Variants in FIGN observed in about 807,000 individuals in gnomAD.
The protein encoded by FIGN is fidgetin.
A neutral mutation model predicts 51.3 loss-of-function variants in FIGN; 11 were observed. The observed-to-expected ratio is 0.21, with a 90% confidence interval of 0.13 to 0.35. The LOEUF (loss-of-function observed/expected upper bound fraction) is 0.35. FIGN is among the 10% of genes least tolerant of loss of function. The pLI is 1.00. For missense variants in FIGN, 857 were observed against 943.6 expected (o/e 0.91, Z 1.20); for synonymous variants, 407 against 363.2 (o/e 1.12, Z -1.37).
rs200358782 is a variant in FIGN, at chr2:163,610,301, C to T, written c.1531G>A (p.Ala511Thr). ...GGTAAGGCCGTCAGTCCACTGAACGCGTCTGACCTCAACACTGGCCATAAA... is the reference window on the plus strand; with the variant it reads ...GGTAAGGCCGTCAGTCCACTGAACGTGTCTGACCTCAACACTGGCCATAAA... ...EVLWPVLRSD[A>T]FSGLTALPRS... Residue 511 changes from alanine to threonine, a missense_variant, in exon 3 of 3, where the codon GCG becomes ACG. Around this residue, in one of 3 missense-constraint regions of FIGN, gnomAD observed 799 missense variants for 849.5 expected, o/e 0.94. Transcript: ENST00000333129. 33 of 1,614,014 alleles carry T rather than the reference C, an allele frequency of 2.0e-5. No individual in the cohort carries two copies. In the East Asian group the frequency reaches 3.6e-4, roughly 17 times the overall value.
At chr2:163,648,992 A>G (rs1428826374) in intron 2 of FIGN, among the ~76,000 whole-genome samples, 1 of 152,168 alleles carries the variant, frequency 6.6e-6, no homozygotes, top group African/African-American at 2.4e-5. Context: ...TCCTATATAA[A>G]AACATACTGT....
chr2:163,611,077 T>C lies in FIGN; in HGVS notation c.755A>G (p.Tyr252Cys), dbSNP rs761480208. The change falls in exon 3 of 3, where the codon TAT becomes TGT. Residue 252 changes from tyrosine to cysteine, a missense_variant. Physicochemically the swap from Tyr to Cys is radical, Grantham distance 194. Transcript: ENST00000333129. Reference sequence around the variant, plus strand: ...AGACCCCACAGCAGTCTGAGGAGGATAGCTAGCAGACGGATAGCTGTAACT... The same window carrying C: ...AGACCCCACAGCAGTCTGAGGAGGACAGCTAGCAGACGGATAGCTGTAACT... ...LSSYSYPSASYPPQTAVGSGY... is the reference protein window; with the variant it reads ...LSSYSYPSASCPPQTAVGSGY... The C allele has an allele frequency of 6.2e-7, 1 of 1,613,986 alleles. No individual in the cohort carries two copies. The highest frequency in any genetic ancestry group is 1.7e-5 in the Admixed American group (1 of 60,016).
At chr2:163,692,485 C>G (rs891316341) in intron 2 of FIGN, among the ~76,000 whole-genome samples, 17 of 152,116 alleles carry the variant, frequency 1.1e-4, no homozygotes, top group African/African-American at 4.1e-4. Flanking sequence ...AATAATGTTT[C>G]TTCAATTAAA....
At chr2:163,628,276 G>C (rs572631975) in intron 2 of FIGN, among the ~76,000 whole-genome samples, 48 of 152,226 alleles carry the variant, frequency 3.2e-4, no homozygotes, top group African/African-American at 1.1e-3. Flanking sequence ...AATAGTTGAG[G>C]TAGATCTTGG....
At chr2:163,613,675 G>GGGCT (rs1368450218) in intron 2 of FIGN, among the ~76,000 whole-genome samples, 23 of 152,320 alleles carry the variant, frequency 1.5e-4, no homozygotes, top group East Asian at 9.7e-4. Flanking sequence ...AATCATGCCA[G>GGGCT]GGCTGGCACT....
At chr2:163,720,924 A>G (rs1313934232) in intron 2 of FIGN, among the ~76,000 whole-genome samples, 1 of 152,210 alleles carries the variant, frequency 6.6e-6, no homozygotes, top group Non-Finnish European at 1.5e-5. Flanking sequence ...GTCTAGATCT[A>G]GCCAAAAATT....
rs1370948966 is a variant in FIGN, at chr2:163,660,804, CAT to C, written c.26-49000_26-48999del. On this transcript the variant is annotated intron_variant, in intron 2 of 2. Transcript: ENST00000333129. ...ATACATATATATGTATATAGATATA[CAT>C]ATATATACATATACATATATATGTA... 1.7e-4 allele frequency among the ~76,000 whole-genome samples: 12 copies of C among 69,120 alleles called. 4 individuals carry two copies. The highest frequency in any genetic ancestry group is 2.1e-4 in the Non-Finnish European group (8 of 38,116). 45.3% of individuals were successfully genotyped at this position (69,120 alleles called of 152,430 possible).
Position 163,606,595 on chromosome 2 carries a change from A to C in FIGN, c.*2957T>G, listed in dbSNP as rs1392207303. 1 of 152,286 alleles carries C rather than the reference A, an allele frequency of 6.6e-6. No homozygotes were observed. Among genetic ancestry groups the C allele is most frequent in the Non-Finnish European group, 1.5e-5 (1 of 68,120 alleles). 9.4% of individuals were successfully genotyped at this position (152,286 alleles called of 1,614,324 possible). Reference sequence around the variant, plus strand: ...CGACTGTACACATTCACTTCTGAGGATGTGGTACCCCACCCCCACTCCAAG... The same window carrying C: ...CGACTGTACACATTCACTTCTGAGGCTGTGGTACCCCACCCCCACTCCAAG... On this transcript the variant is annotated 3_prime_UTR_variant, in exon 3 of 3. Coordinates refer to ENST00000333129, the MANE Select transcript of FIGN (RefSeq NM_018086.4).
In FIGN at chr2:163,668,023, C is replaced by CCCG. The variant is rs1553498975; in HGVS notation, c.26-56218_26-56217insCGG. 4.0e-5 allele frequency among the ~76,000 whole-genome samples: 6 copies of CCCG among 149,570 alleles called. 1 individual carries two copies. In the East Asian group the frequency reaches 8.1e-4, roughly 20 times the overall value. ...AACACCCCTACCTCCAACCCCCCCCCCCAAAAAACCCTCCACAAGTAACAA... is the reference window on the plus strand; with the variant it reads ...AACACCCCTACCTCCAACCCCCCCCCCCGCCAAAAAACCCTCCACAAGTAACAA... On this transcript the variant is annotated intron_variant, in intron 2 of 2. Transcript: ENST00000333129.
At chr2:163,656,494 C>A (rs917535728) in intron 2 of FIGN, among the ~76,000 whole-genome samples, 6 of 152,002 alleles carry the variant, frequency 3.9e-5, no homozygotes, top group Middle Eastern at 3.2e-3. Context: ...TTGAGCTGAC[C>A]AAGGCAGGCC....
In FIGN at chr2:163,611,125, T is replaced by C. The variant is rs1199452359; in HGVS notation, c.707A>G (p.Tyr236Cys). The change falls in exon 3 of 3, where the codon TAC becomes TGC. Residue 236 changes from tyrosine (Y) to cysteine (C), a missense_variant. Physicochemically the swap from Tyr to Cys is radical, Grantham distance 194 (BLOSUM62 -2). Around this residue, in one of 3 missense-constraint regions of FIGN, gnomAD observed 799 missense variants for 849.5 expected, o/e 0.94. Transcript: ENST00000333129. ...ACTGGAGAGGTTAGAAGTCCCATTG[T>C]AGCCTGGGACCAAGGCTGGTGGCGG... is the stretch of plus-strand genomic sequence containing the variant. ...PPPPPALVPG[Y>C]NGTSNLSSYS... 4.3e-6 allele frequency: 7 copies of C among 1,614,008 alleles called. No individual in the cohort carries two copies. Among genetic ancestry groups the C allele is most frequent in the Admixed American group, 1.7e-5 (1 of 60,000 alleles).
At chr2:163,688,087 C>A (rs1357095074) in intron 2 of FIGN, among the ~76,000 whole-genome samples, 1 of 152,182 alleles carries the variant, frequency 6.6e-6, no homozygotes, top group Non-Finnish European at 1.5e-5. Context: ...CCAAAGCACA[C>A]AATTCACCTC....
intron 2 of FIGN, among the ~76,000 whole-genome samples, chr2:163,685,991 A>C (rs983060951): frequency 2.6e-5 from 4 of 152,230 alleles, no homozygotes; most frequent in Non-Finnish European, 4.4e-5. Context: ...AAGGCACAAA[A>C]CTATTTGGGA....
chr2:163,717,628 AG>A (rs1684690286), intron 2 of FIGN, among the ~76,000 whole-genome samples: 1 of 152,112 alleles, frequency 6.6e-6, no homozygotes, highest in Non-Finnish European at 1.5e-5. Flanking sequence ...GTGATATCAT[AG>A]TTGTGTTCAA....
At position 163,660,875 on chromosome 2, in the gene FIGN, ATATATT is replaced by A. The variant is rs1197258114; in HGVS notation, c.26-49075_26-49070del. Among the ~76,000 whole-genome samples, 6 of 26,398 alleles carry A rather than the reference ATATATT, an allele frequency of 2.3e-4. 3 individuals are homozygous for A. The highest frequency in any genetic ancestry group is 9.5e-4 in the African/African-American group (6 of 6,322). 17.3% of individuals were successfully genotyped at this position (26,398 alleles called of 152,430 possible). On this transcript the variant is annotated intron_variant, in intron 2 of 2. Coordinates refer to ENST00000333129, the MANE Select transcript of FIGN (RefSeq NM_018086.4). ...TATGTATACATATATATATATATAT[ATATATT>A]TTTTTTTTTTTTTTTTTTTTTTTTG...
At chr2:163,733,705 T>C (rs1684966752) in intron 2 of FIGN, among the ~76,000 whole-genome samples, 1 of 152,204 alleles carries the variant, frequency 6.6e-6, no homozygotes, top group Non-Finnish European at 1.5e-5. Flanking sequence ...CGTGTAAGTG[T>C]GGTGTGTATT....
intron 2 of FIGN, among the ~76,000 whole-genome samples, chr2:163,612,803 GAA>G (rs1170168425): frequency 4.7e-5 from 7 of 150,442 alleles, no homozygotes; most frequent in African/African-American, 1.7e-4. Flanking sequence ...GAGAGAGAGA[GAA>G]AGGAAACTGA....
At chr2:163,685,093 C>T (rs1289165457) in intron 2 of FIGN, among the ~76,000 whole-genome samples, 1 of 151,992 alleles carries the variant, frequency 6.6e-6, no homozygotes, top group Non-Finnish European at 1.5e-5. Context: ...TGAACTGTAA[C>T]TTTCTTTAAG....
chr2:163,690,847 G>A (rs1205549921), intron 2 of FIGN, among the ~76,000 whole-genome samples: 2 of 152,064 alleles, frequency 1.3e-5, no homozygotes, highest in East Asian at 3.9e-4. Context: ...ATTTGTGTGT[G>A]TGTGTTGGGG....
Sources: gnomAD v4.1 joint callset for allele counts (sites outside exome capture counted in the v4.1 genomes callset) on GRCh38, gnomAD v4.1.1 for gene constraint, gnomAD v4.1.1 regional missense constraint, MANE v1.5 for transcripts, NCBI Gene and HGNC (gene_info 2026-07-23, HGNC 2026-07-21) for gene names.